The following EDA variants were observed in gnomAD, a reference collection of about 807,000 sequenced individuals.
The protein encoded by EDA is ectodysplasin A, also known as ectodysplasin-A.
A neutral mutation model predicts 23.6 loss-of-function variants in EDA; 2 were observed. The ratio of observed to expected loss-of-function variants is 0.08; its 90% CI spans 0.03 to 0.27. The LOEUF (loss-of-function observed/expected upper bound fraction) is 0.27. EDA is among the 10% of genes least tolerant of loss of function. The probability of loss-of-function intolerance (pLI) is 1.00; values close to 1 mark genes in which losing one functional copy is unlikely to be tolerated. For synonymous variants in EDA, 131 were observed against 132.0 expected, an observed-to-expected ratio of 0.99 and a Z score of 0.05; for missense variants, 229 against 324.2, an observed-to-expected ratio of 0.71 and a Z score of 2.26.
rs2020258771 is a variant in EDA at position 70,035,711 on chromosome X, G to A, written c.*102G>A. ...CTGTGGAGTGAGGTGTATTGGTGTTGCAGCCGCAGAGAAATGCCCCAGTGT... is the reference window on the plus strand; with the variant it reads ...CTGTGGAGTGAGGTGTATTGGTGTTACAGCCGCAGAGAAATGCCCCAGTGT... On this transcript the variant is annotated 3_prime_UTR_variant, in exon 8 of 8. Coordinates refer to ENST00000374552, the MANE Select transcript of EDA (RefSeq NM_001399.5). 9 of 1,022,977 alleles carry A rather than the reference G, an allele frequency of 8.8e-6. No homozygotes were observed. Among genetic ancestry groups the A allele is most frequent in the South Asian group, 4.0e-5 (2 of 49,465 alleles). The allele number at this position is 1,022,977 out of a possible 1,213,427, so 84.3% of individuals were successfully genotyped here.
At chrX:69,994,420 A>T (rs1288279744) in intron 2 of EDA, among the ~76,000 whole-genome samples, 1 of 112,248 alleles carries the variant, frequency 8.9e-6, no homozygotes, top group African/African-American at 3.2e-5. Context: ...TCCCTGCTAG[A>T]TGACCCTGAT....
rs763924847 is a variant in EDA, at chrX:69,838,282, T to A, written c.397-118745T>A. ...TGCCTTTGCAATCAACTACAAATGA[T>A]CTTTACATTAGCTAATGCCATGTGA... On this transcript the variant is annotated intron_variant, in intron 1 of 7. Transcript: ENST00000374552. Among the ~76,000 whole-genome samples, 4 of 113,160 alleles carry A rather than the reference T, an allele frequency of 3.5e-5. No individual in the cohort carries two copies. In the Admixed American group the frequency reaches 3.7e-4, roughly 11 times the overall value.
intron 1 of EDA, among the ~76,000 whole-genome samples, chrX:69,637,248 G>A (rs900933552): frequency 2.7e-5 from 3 of 111,485 alleles, no homozygotes; most frequent in African/African-American, 9.8e-5. Flanking sequence ...TCTATATATA[G>A]ATCTGTGTTT....
intron 1 of EDA, among the ~76,000 whole-genome samples, chrX:69,698,583 G>A (rs1056362891): frequency 7.2e-5 from 8 of 111,501 alleles, no homozygotes; most frequent in Non-Finnish European, 1.3e-4. Context: ...GAAAAGTTCG[G>A]CCATACATGA....
At chrX:69,935,889 CTCTA>C (rs1471249022) in intron 1 of EDA, among the ~76,000 whole-genome samples, 3 of 109,189 alleles carry the variant, frequency 2.7e-5, no homozygotes, top group African/African-American at 9.9e-5. Context: ...AGCTCTCTCT[CTCTA>C]TATGACAATA....
chrX:69,857,289 G>C (rs918512813), intron 1 of EDA, among the ~76,000 whole-genome samples: 4 of 111,867 alleles, frequency 3.6e-5, no homozygotes, highest in Admixed American at 1.9e-4. Flanking sequence ...ATAGTTTGAA[G>C]TCCCGTATTG....
At chrX:69,656,138 C>T (rs1321595713) in intron 1 of EDA, among the ~76,000 whole-genome samples, 2 of 110,651 alleles carry the variant, frequency 1.8e-5, no homozygotes, top group Non-Finnish European at 3.8e-5. Flanking sequence ...TCACAAATTC[C>T]ACCTGTGCAG....
intron 2 of EDA, among the ~76,000 whole-genome samples, chrX:69,957,750 A>G (rs1359101295): frequency 9.0e-6 from 1 of 111,558 alleles, no homozygotes; most frequent in Non-Finnish European, 1.9e-5. Flanking sequence ...GAGATGTCCC[A>G]CACCTATTAA....
chrX:69,700,470 C>T (rs1211442174), intron 1 of EDA, among the ~76,000 whole-genome samples: 1 of 111,745 alleles, frequency 8.9e-6, no homozygotes. Flanking sequence ...ACTGGACATA[C>T]TGGGAGTACA....
intron 1 of EDA, among the ~76,000 whole-genome samples, chrX:69,629,691 T>G (rs763147421): frequency 2.2e-4 from 24 of 111,472 alleles, no homozygotes; most frequent in Non-Finnish European, 4.1e-4. Flanking sequence ...AGAAAGTTTC[T>G]TAGACTCTAG....
At chrX:69,672,515 G>C (rs187755599) in intron 1 of EDA, 1 of 111,413 alleles carries the variant, frequency 9.0e-6, no homozygotes, top group African/African-American at 3.3e-5. Flanking sequence ...GCCTGATCTC[G>C]TCTGATCTTG....
At chrX:69,720,921 AT>A (rs1342364780) in intron 1 of EDA, among the ~76,000 whole-genome samples, 1 of 111,004 alleles carries the variant, frequency 9.0e-6, no homozygotes, top group African/African-American at 3.3e-5. Context: ...ATGATGGGTG[AT>A]TTTTTTTATT....
intron 1 of EDA, among the ~76,000 whole-genome samples, chrX:69,749,470 G>A (rs2013740455): frequency 9.4e-6 from 1 of 106,088 alleles, no homozygotes; most frequent in Admixed American, 1.0e-4. Context: ...GGGATGGCTG[G>A]GTCAAATGGT....
chrX:69,789,172 A>G (rs767641403), intron 1 of EDA, among the ~76,000 whole-genome samples: 1 of 111,919 alleles, frequency 8.9e-6, no homozygotes, highest in South Asian at 3.8e-4. Flanking sequence ...GCGTGCACCC[A>G]CTGACCTGCG....
At chrX:69,819,253 G>A (rs1001737943) in intron 1 of EDA, among the ~76,000 whole-genome samples, 3 of 112,003 alleles carry the variant, frequency 2.7e-5, no homozygotes, top group Non-Finnish European at 3.8e-5. Context: ...CAAACCCATA[G>A]CCAGTATCAT....
At chrX:69,810,250 T>C (rs777578347) in intron 1 of EDA, among the ~76,000 whole-genome samples, 135 of 48,128 alleles carry the variant, frequency 2.8e-3, no homozygotes, top group Non-Finnish European at 4.1e-3. Context: ...AGAGCGAGAC[T>C]CCATCTCAAA....
At chrX:69,955,998 A>G (rs1405112432) in intron 1 of EDA, among the ~76,000 whole-genome samples, 1 of 112,319 alleles carries the variant, frequency 8.9e-6, no homozygotes, top group Non-Finnish European at 1.9e-5. Flanking sequence ...CATATGAAAC[A>G]TATTGTATTA....
At chrX:69,656,899 T>C (rs1933338373) in intron 1 of EDA, among the ~76,000 whole-genome samples, 1 of 112,281 alleles carries the variant, frequency 8.9e-6, no homozygotes, top group Non-Finnish European at 1.9e-5. Context: ...CAATCCACTG[T>C]TGATGGGCAC....
In EDA at chrX:69,908,212, C is replaced by T. The variant is rs188270880; in HGVS notation, c.397-48815C>T. ...CATTAAGAAAATAATATTTATGTGT[C>T]ATTTCTTGATAGGATCACTAAACTA... On this transcript the variant is annotated intron_variant, in intron 1 of 7. Transcript: ENST00000374552. 1.3e-3 allele frequency among the ~76,000 whole-genome samples: 144 copies of T among 111,491 alleles called. 1 individual carries two copies. The highest frequency in any genetic ancestry group is 4.5e-3 in the African/African-American group (138 of 30,793).
Sources: gnomAD v4.1 joint callset for allele counts (sites outside exome capture counted in the v4.1 genomes callset) on GRCh38, gnomAD v4.1.1 for gene constraint, MANE v1.5 for transcripts, NCBI Gene and HGNC (gene_info 2026-07-23, HGNC 2026-07-21) for gene names.